CNTNAP2: variants seen among roughly 807,000 people sequenced by gnomAD.
CNTNAP2 encodes contactin associated protein 2.
A neutral mutation model predicts 155.2 loss-of-function variants in CNTNAP2; 98 were observed. The ratio of observed to expected loss-of-function variants is 0.63; its 90% CI spans 0.54 to 0.75. CNTNAP2 has a LOEUF of 0.75. CNTNAP2 is among the 30% of genes least tolerant of loss of function. The probability of loss-of-function intolerance (pLI) is 0.00; values close to 1 mark genes in which losing one functional copy is unlikely to be tolerated. For missense variants in CNTNAP2, 1,727 were observed against 1,688.1 expected, an observed-to-expected ratio of 1.02 and a Z score of -0.40; for synonymous variants, 651 against 631.2, an observed-to-expected ratio of 1.03 and a Z score of -0.47.
At chr7:147,441,284 T>A (rs1360469595) in intron 10 of CNTNAP2, among the ~76,000 whole-genome samples, 1 of 152,106 alleles carries the variant, frequency 6.6e-6, no homozygotes, top group African/African-American at 2.4e-5. Flanking sequence ...ATTTTTCAGC[T>A]CCAGAATTTC....
intron 3 of CNTNAP2, among the ~76,000 whole-genome samples, chr7:146,962,646 G>A (rs2129230865): frequency 6.6e-6 from 1 of 152,316 alleles, no homozygotes; most frequent in South Asian, 2.1e-4. Flanking sequence ...CACCTCCTGG[G>A]TTCAAGCGAT....
At chr7:147,376,287 G>A (rs967256576) in intron 9 of CNTNAP2, among the ~76,000 whole-genome samples, 88 of 151,850 alleles carry the variant, frequency 5.8e-4, no homozygotes, top group African/African-American at 2.1e-3. Context: ...GAGAAATGAG[G>A]AACAAGGAAG....
At chr7:146,709,375 G>C (rs901158976) in intron 1 of CNTNAP2, among the ~76,000 whole-genome samples, 1 of 152,122 alleles carries the variant, frequency 6.6e-6, no homozygotes, top group Admixed American at 6.6e-5. Flanking sequence ...GTGCTGATAC[G>C]AGAAACCTAA....
At chr7:148,314,977 T>C (rs963136457) in intron 21 of CNTNAP2, among the ~76,000 whole-genome samples, 2 of 152,018 alleles carry the variant, frequency 1.3e-5, no homozygotes, top group Non-Finnish European at 2.9e-5. Flanking sequence ...GAGATTGAAG[T>C]GTGGCACCAA....
In CNTNAP2 at chr7:146,697,530, C is replaced by T. The variant is rs147040580; in HGVS notation, c.98-76741C>T. 8.5e-5 allele frequency among the ~76,000 whole-genome samples: 13 copies of T among 152,286 alleles called. No individual in the cohort carries two copies. In the East Asian group the frequency reaches 9.7e-4, roughly 11 times the overall value. On this transcript the variant is annotated intron_variant, in intron 1 of 23. Transcript: ENST00000361727. ...CGGGGATCATAGGCGTGAGCCACCA[C>T]GCTTGGCCCTTATTTTAAATGCCTC...
intron 14 of CNTNAP2, among the ~76,000 whole-genome samples, chr7:147,975,972 T>G (rs1356297002): frequency 6.6e-5 from 10 of 152,246 alleles, no homozygotes. Context: ...GGGGGTCTTA[T>G]GTCTCTGCCA....
chr7:146,529,627 A>C lies in CNTNAP2; in HGVS notation c.98-244644A>C, dbSNP rs1214049690. 3.9e-5 allele frequency among the ~76,000 whole-genome samples: 6 copies of C among 152,224 alleles called. No individual in the cohort carries two copies. The East Asian group carries it at 1.2e-3, about 29-fold the overall frequency. ...TAATGGTTTAGAGGAAAGCAGTGCT[A>C]AGCTCACATGGGCAGGAAAGCAGGC... On this transcript the variant is annotated intron_variant, in intron 1 of 23. Transcript: ENST00000361727.
intron 1 of CNTNAP2, among the ~76,000 whole-genome samples, chr7:146,676,737 G>T (rs1485213885): frequency 6.6e-6 from 1 of 152,172 alleles, no homozygotes; most frequent in Non-Finnish European, 1.5e-5. Context: ...GCAGGCAAGA[G>T]AGAATGAGAG....
At chr7:147,537,651 G>C (rs1480103799) in intron 11 of CNTNAP2, among the ~76,000 whole-genome samples, 1 of 152,010 alleles carries the variant, frequency 6.6e-6, no homozygotes, top group Non-Finnish European at 1.5e-5. Flanking sequence ...TAATTACAGG[G>C]TGATAATCTA....
intron 3 of CNTNAP2, among the ~76,000 whole-genome samples, chr7:146,930,114 A>C (rs931438346): frequency 6.4e-4 from 98 of 152,134 alleles, no homozygotes; most frequent in Admixed American, 6.4e-3. Context: ...CCTCGAGAAG[A>C]GCAACTCCAA....
At chr7:147,101,150 G>T (rs1800644558) in intron 4 of CNTNAP2, among the ~76,000 whole-genome samples, 1 of 152,176 alleles carries the variant, frequency 6.6e-6, no homozygotes, top group South Asian at 2.1e-4. Flanking sequence ...AAAGAAAGAT[G>T]GCACTAAAAA....
chr7:147,278,821 C>T (rs955471982), intron 8 of CNTNAP2, among the ~76,000 whole-genome samples: 5 of 151,224 alleles, frequency 3.3e-5, no homozygotes, highest in African/African-American at 1.2e-4. Flanking sequence ...AGTAATAAAA[C>T]TTGCATAATT....
chr7:147,016,512 C>T (rs1798726526), intron 3 of CNTNAP2, among the ~76,000 whole-genome samples: 2 of 151,992 alleles, frequency 1.3e-5, no homozygotes, highest in Non-Finnish European at 1.5e-5. Flanking sequence ...ACTACTTTTT[C>T]TCAGGGCCTC....
intron 14 of CNTNAP2, among the ~76,000 whole-genome samples, chr7:147,932,153 G>A (rs765544421): frequency 1.6e-4 from 25 of 152,102 alleles, no homozygotes; most frequent in Admixed American, 3.3e-4. Flanking sequence ...TCCAAACTGC[G>A]AAACTTACAG....
intron 15 of CNTNAP2, among the ~76,000 whole-genome samples, chr7:148,115,246 T>C (rs1400339143): frequency 6.6e-6 from 1 of 152,186 alleles, no homozygotes; most frequent in Non-Finnish European, 1.5e-5. Flanking sequence ...CGGATATTTC[T>C]GTCTGAATAA....
At chr7:147,047,025 C>A (rs1239983718) in intron 4 of CNTNAP2, among the ~76,000 whole-genome samples, 2 of 136,854 alleles carry the variant, frequency 1.5e-5, no homozygotes, top group African/African-American at 2.9e-5. Context: ...GAGCCAGACT[C>A]CGTGTCAAAA....
intron 8 of CNTNAP2, among the ~76,000 whole-genome samples, chr7:147,143,286 A>G (rs1314813944): frequency 1.3e-5 from 2 of 152,110 alleles, no homozygotes; most frequent in African/African-American, 4.8e-5. Flanking sequence ...CCATTCAACA[A>G]TCTTTCATGA....
chr7:147,368,019 CCCT>C (rs1192990956), intron 9 of CNTNAP2, among the ~76,000 whole-genome samples: 6,224 of 99,234 alleles, frequency 0.063, 430 homozygotes, highest in African/African-American at 0.09. Context: ...TCTCTCCCCC[CCCT>C]CCCCCTCCTC....
intron 13 of CNTNAP2, among the ~76,000 whole-genome samples, chr7:147,811,514 T>C (rs78872411): frequency 6.6e-6 from 1 of 152,124 alleles, no homozygotes; most frequent in Non-Finnish European, 1.5e-5. Flanking sequence ...ATATTACCGA[T>C]GTTTGGCTCA....
Sources: gnomAD v4.1 joint callset for allele counts (sites outside exome capture counted in the v4.1 genomes callset) on GRCh38, gnomAD v4.1.1 for gene constraint, MANE v1.5 for transcripts, NCBI Gene and HGNC (gene_info 2026-07-23, HGNC 2026-07-21) for gene names.